RAPGEF2: variants seen among roughly 807,000 people sequenced by gnomAD.
The protein encoded by RAPGEF2 is PDZ domain containing guanine nucleotide exchange factor (GEF) 1.
Under a neutral mutation model 186.7 loss-of-function variants are expected in RAPGEF2, and 54 were observed. The observed-to-expected ratio is 0.29, with a 90% confidence interval of 0.23 to 0.36. The LOEUF is 0.36. RAPGEF2 is among the 10% of genes least tolerant of loss of function. The probability of loss-of-function intolerance (pLI) is 1.00; values close to 1 mark genes in which losing one functional copy is unlikely to be tolerated. For synonymous variants in RAPGEF2, 712 were observed against 705.9 expected (o/e 1.01, Z -0.14); for missense variants, 1,532 against 2,045.0 (o/e 0.75, Z 4.84).
At chr4:159,342,071 TC>T in intron 20 of RAPGEF2, 124 bp downstream of exon 20, 1 of 973,940 alleles carries the variant, frequency 1.0e-6, no homozygotes, top group Non-Finnish European at 1.5e-6. Flanking sequence ...AAGAGACAAT[TC>T]TTTTTCTCTG....
intron 17 of RAPGEF2, among the ~76,000 whole-genome samples, chr4:159,334,508 C>T (rs1767128916): frequency 6.6e-6 from 1 of 152,132 alleles, no homozygotes; most frequent in Admixed American, 6.6e-5. Flanking sequence ...CTGGGCTTCT[C>T]AAAGTGCTGG....
At chr4:159,356,476 T>G (rs1281648651) in intron 29 of RAPGEF2, among the ~76,000 whole-genome samples, 1 of 152,160 alleles carries the variant, frequency 6.6e-6, no homozygotes, top group East Asian at 1.9e-4. Context: ...TGTCTGTGTA[T>G]GTGTGTTTCC....
At chr4:159,192,201 T>G (rs960375349) in intron 2 of RAPGEF2, among the ~76,000 whole-genome samples, 3 of 152,234 alleles carry the variant, frequency 2.0e-5, no homozygotes, top group Non-Finnish European at 4.4e-5. Flanking sequence ...TATTCAAGAC[T>G]CACTGCTGCC....
chr4:159,200,311 A>G lies in RAPGEF2; in HGVS notation c.197+7055A>G, dbSNP rs116636538. Among the ~76,000 whole-genome samples the G allele has an allele frequency of 3.7e-3, 567 of 152,082 alleles. 3 individuals carry two copies. The highest frequency in any genetic ancestry group is 0.012 in the African/African-American group (509 of 41,458). On this transcript the variant is annotated intron_variant, in intron 3 of 29. Transcript: ENST00000691494. The stretch of plus-strand genomic sequence containing the variant: ...GGCACGACCCTATCTCTAAAAAAAT[A>G]CAAAAATTAGCCAGTGTGGTGGCGC...
chr4:159,330,307 A>G, intron 12 of RAPGEF2, 27 bp from the exon 13 acceptor site: 2 of 965,200 alleles, frequency 2.1e-6, no homozygotes, highest in Non-Finnish European at 2.9e-6. Flanking sequence ...ATATATATGT[A>G]GTAATTAAAC....
chr4:159,128,940 G>A (rs1173061787), intron 1 of RAPGEF2: 4 of 144,004 alleles, frequency 2.8e-5, no homozygotes, highest in African/African-American at 1.0e-4. Context: ...GTGTGTGTGT[G>A]TGTGTATATA....
intron 4 of RAPGEF2, among the ~76,000 whole-genome samples, chr4:159,221,052 G>A (rs370418378): frequency 7.9e-5 from 12 of 152,260 alleles, no homozygotes; most frequent in South Asian, 2.1e-4. Context: ...GATATTGTTC[G>A]ACCCTTGCAG....
At chr4:159,119,660 G>A (rs1739447599) in intron 1 of RAPGEF2, among the ~76,000 whole-genome samples, 1 of 152,124 alleles carries the variant, frequency 6.6e-6, no homozygotes, top group Non-Finnish European at 1.5e-5. Flanking sequence ...TCGCTTATTA[G>A]GTGTATGATT....
chr4:159,209,490 G>A (rs533443472), intron 3 of RAPGEF2, among the ~76,000 whole-genome samples: 98 of 152,316 alleles, frequency 6.4e-4, no homozygotes, highest in Admixed American at 2.2e-3. Flanking sequence ...CAGGATCCAC[G>A]TGGCTAACTC....
intron 4 of RAPGEF2, among the ~76,000 whole-genome samples, chr4:159,227,060 A>C (rs1752114275): frequency 6.6e-6 from 1 of 152,220 alleles, no homozygotes; most frequent in Non-Finnish European, 1.5e-5. Context: ...CTTACAAAGA[A>C]ATACTTACCA....
intron 7 of RAPGEF2, among the ~76,000 whole-genome samples, chr4:159,287,787 A>G (rs1760699207): frequency 6.6e-6 from 1 of 152,206 alleles, no homozygotes; most frequent in Non-Finnish European, 1.5e-5. Context: ...TTTCTGTGAT[A>G]TAAAAGCAAA....
At chr4:159,186,315 A>G (rs530605160) in intron 1 of RAPGEF2, among the ~76,000 whole-genome samples, 1 of 152,214 alleles carries the variant, frequency 6.6e-6, no homozygotes, top group Admixed American at 6.5e-5. Context: ...TGACAAATAT[A>G]CTGTGAAATT....
At chr4:159,201,458 A>G (rs759083888) in intron 3 of RAPGEF2, among the ~76,000 whole-genome samples, 2 of 152,208 alleles carry the variant, frequency 1.3e-5, no homozygotes, top group African/African-American at 4.8e-5. Flanking sequence ...GGCTCTTGAC[A>G]TTGAAAACCT....
Position 159,332,487 on chromosome 4 carries a change from A to G in RAPGEF2, c.1925A>G (p.Lys642Arg), listed in dbSNP as rs754935150. 6.2e-7 allele frequency: 1 copy of G among 1,613,820 alleles called. No individual in the cohort carries two copies. Among genetic ancestry groups the G allele is most frequent in the Non-Finnish European group, 8.5e-7 (1 of 1,179,808 alleles). Reference sequence around the variant, plus strand: ...CTTCTAACAAGATTGTCAGAAGAGAAAAGAAATGGTGCCCCCCACCTTCCT... The same window carrying G: ...CTTCTAACAAGATTGTCAGAAGAGAGAAGAAATGGTGCCCCCCACCTTCCT... The part of the protein sequence containing the change: ...KELLTRLSEE[K>R]RNGAPHLPKI... The change falls in exon 17 of 30, where the codon AAA (lysine) becomes AGA (arginine). Residue 642 changes from lysine to arginine, a missense_variant. Lys to Arg is a conservative substitution (Grantham distance 26). Coordinates refer to ENST00000691494, the MANE Select transcript of RAPGEF2 (RefSeq NM_001394067.2).
At chr4:159,347,685 G>A (rs922273452) in intron 25 of RAPGEF2, among the ~76,000 whole-genome samples, 1 of 152,194 alleles carries the variant, frequency 6.6e-6, no homozygotes, top group Admixed American at 6.5e-5. Flanking sequence ...TCGGGAGGCC[G>A]AGGCAGGAGA....
intron 26 of RAPGEF2, chr4:159,352,466 TTTC>T (rs1233204366): frequency 1.8e-5 from 9 of 500,998 alleles, no homozygotes; most frequent in Non-Finnish European, 2.8e-5. Flanking sequence ...TGTAGGATAC[TTTC>T]TTTTTTCCTC....
chr4:159,247,465 G>A (rs1307202871), intron 7 of RAPGEF2, among the ~76,000 whole-genome samples: 1 of 152,210 alleles, frequency 6.6e-6, no homozygotes, highest in Non-Finnish European at 1.5e-5. Flanking sequence ...TAGAGGTTGA[G>A]TGGTTATAGG....
chr4:159,308,846 G>T (rs190427590), intron 8 of RAPGEF2, among the ~76,000 whole-genome samples: 2 of 152,042 alleles, frequency 1.3e-5, no homozygotes, highest in African/African-American at 4.8e-5. Context: ...GTTTTCTCTC[G>T]GAAGAGTTGA....
chr4:159,338,210 A>T (rs999063984), intron 17 of RAPGEF2, 101 bp from the exon 18 acceptor site: 175 of 1,101,338 alleles, frequency 1.6e-4, no homozygotes, highest in Non-Finnish European at 2.0e-4. Flanking sequence ...ATGAGCTGCA[A>T]AAAAAAAATG....
Sources: allele counts gnomAD v4.1 joint callset (sites outside exome capture counted in the v4.1 genomes callset), GRCh38; gene constraint gnomAD v4.1.1; transcripts MANE v1.5; gene names NCBI Gene and HGNC (gene_info 2026-07-23, HGNC 2026-07-21).